Variants in GUCY1A2 observed in about 807,000 individuals in gnomAD.
GUCY1A2 encodes guanylate cyclase 1 soluble subunit alpha 2.
In GUCY1A2, 27 loss-of-function variants were observed where a neutral mutation model predicts 63.5. The ratio of observed to expected loss-of-function variants is 0.43; its 90% CI spans 0.31 to 0.59. The LOEUF (loss-of-function observed/expected upper bound fraction) is 0.59. Ranked by LOEUF, GUCY1A2 falls within the 20% of genes least tolerant of loss-of-function variation. The pLI, the probability that GUCY1A2 is intolerant of heterozygous loss-of-function variation, is 0.11. For synonymous variants in GUCY1A2, 364 were observed against 343.5 expected (o/e 1.06, Z -0.66); for missense variants, 768 against 913.3 (o/e 0.84, Z 2.05).
chr11:106,753,337 A>G (rs886862210), intron 6 of GUCY1A2, among the ~76,000 whole-genome samples: 1 of 152,130 alleles, frequency 6.6e-6, no homozygotes, highest in Admixed American at 6.5e-5. Flanking sequence ...CTCTGCTGAT[A>G]GTTTCTTTTG....
chr11:106,822,886 G>T (rs1277147403), intron 4 of GUCY1A2, among the ~76,000 whole-genome samples: 1 of 152,072 alleles, frequency 6.6e-6, no homozygotes, highest in Non-Finnish European at 1.5e-5. Context: ...ATAGTTGAAG[G>T]CATTGGAATG....
intron 4 of GUCY1A2, among the ~76,000 whole-genome samples, chr11:106,908,807 T>C (rs1860250691): frequency 6.6e-6 from 1 of 152,058 alleles, no homozygotes; most frequent in South Asian, 2.1e-4. Context: ...CTTTGGCAAT[T>C]ACATTTAAAG....
At chr11:106,714,034 AAAC>A (rs1175496845) in intron 6 of GUCY1A2, among the ~76,000 whole-genome samples, 1 of 147,560 alleles carries the variant, frequency 6.8e-6, no homozygotes, top group Non-Finnish European at 1.5e-5. Flanking sequence ...TAAAAAAAAA[AAAC>A]AAACTCCATA....
chr11:106,873,135 T>C (rs548909906), intron 4 of GUCY1A2, among the ~76,000 whole-genome samples: 23 of 152,354 alleles, frequency 1.5e-4, no homozygotes, highest in African/African-American at 5.5e-4. Context: ...TTCCGTGGTA[T>C]ATATGTACCA....
At chr11:106,913,111 A>AT (rs1860317687) in intron 4 of GUCY1A2, among the ~76,000 whole-genome samples, 2 of 105,514 alleles carry the variant, frequency 1.9e-5, no homozygotes, top group South Asian at 6.5e-4. Context: ...ATGTTGTGGA[A>AT]TTTTTTTCAA....
At chr11:106,778,530 G>A (rs1044830221) in intron 5 of GUCY1A2, among the ~76,000 whole-genome samples, 2 of 152,108 alleles carry the variant, frequency 1.3e-5, no homozygotes, top group African/African-American at 2.4e-5. Flanking sequence ...GCATGATGGC[G>A]GGCACCTGTA....
chr11:106,944,164 G>A (rs575678277), intron 3 of GUCY1A2, among the ~76,000 whole-genome samples: 4 of 118,834 alleles, frequency 3.4e-5, no homozygotes, highest in Non-Finnish European at 4.9e-5. Flanking sequence ...GCAGTGACCC[G>A]TGATCATACC....
At chr11:107,006,873 A>G (rs77215371) in intron 1 of GUCY1A2, among the ~76,000 whole-genome samples, 8,476 of 152,266 alleles carry the variant, frequency 0.056, 709 homozygotes, top group African/African-American at 0.19. Context: ...AGTGCATTTC[A>G]TAGAATTTCA....
chr11:106,730,096 T>TA (rs1565271767), intron 6 of GUCY1A2, among the ~76,000 whole-genome samples: 10 of 96,110 alleles, frequency 1.0e-4, no homozygotes, highest in Non-Finnish European at 1.6e-4. Context: ...ATATATATAT[T>TA]ATAGTATATA....
chr11:106,794,343 G>A (rs1272141640), intron 5 of GUCY1A2, among the ~76,000 whole-genome samples: 1 of 152,000 alleles, frequency 6.6e-6, no homozygotes, highest in Non-Finnish European at 1.5e-5. Context: ...AAGGGGTGAG[G>A]GTGGAAGAAA....
rs1565256968 is a variant in GUCY1A2, at chr11:106,684,824, T to C, written c.*2725A>G. The C allele has an allele frequency of 9.6e-6, 2 of 209,410 alleles. No individual in the cohort carries two copies. The highest frequency in any genetic ancestry group is 1.9e-5 in the Non-Finnish European group (2 of 102,900). The allele number at this position is 209,410 out of a possible 1,614,324, so 13.0% of individuals were successfully genotyped here. A position where few individuals can be genotyped will look rare whatever the true frequency, so the allele number is the denominator to read the frequency against. On this transcript the variant is annotated 3_prime_UTR_variant, in exon 8 of 8. Transcript: ENST00000526355. ...AAAATGCATGCTGTTGGTAATAGTTTGTAAGTAAGTGAGAATACTGTATAG... is the reference window on the plus strand; with the variant it reads ...AAAATGCATGCTGTTGGTAATAGTTCGTAAGTAAGTGAGAATACTGTATAG...
chr11:106,689,054 A>G (rs1449810726), intron 7 of GUCY1A2, among the ~76,000 whole-genome samples: 1 of 152,212 alleles, frequency 6.6e-6, no homozygotes, highest in African/African-American at 2.4e-5. Flanking sequence ...TCATGTTAGC[A>G]GCAGCTCCAA....
intron 4 of GUCY1A2, among the ~76,000 whole-genome samples, chr11:106,851,022 A>T (rs1859346493): frequency 6.6e-6 from 1 of 151,762 alleles, no homozygotes; most frequent in African/African-American, 2.4e-5. Context: ...TGTCTTTTTG[A>T]TAATAGCCAT....
intron 4 of GUCY1A2, among the ~76,000 whole-genome samples, chr11:106,811,345 G>T (rs1338380518): frequency 2.0e-5 from 3 of 151,912 alleles, no homozygotes; most frequent in Admixed American, 2.0e-4. Flanking sequence ...GTGGAGCTGG[G>T]GTATGGCTAC....
chr11:106,993,180 T>C (rs1166687654), intron 1 of GUCY1A2, among the ~76,000 whole-genome samples: 3 of 152,294 alleles, frequency 2.0e-5, no homozygotes, highest in Non-Finnish European at 4.4e-5. Context: ...AAAGATAAAT[T>C]GTGGGGACAA....
Position 106,680,232 on chromosome 11 carries a change from A to G in GUCY1A2, c.*7317T>C. On this transcript the variant is annotated 3_prime_UTR_variant, in exon 8 of 8. Coordinates refer to ENST00000526355, the MANE Select transcript of GUCY1A2 (RefSeq NM_000855.3). The stretch of plus-strand genomic sequence containing the variant: ...AGTGTCTTCAGAAAGTGAGGTATGA[A>G]GAAACAATTTTGCACATTCCTGATT... 1 of 212,094 alleles carries G rather than the reference A, an allele frequency of 4.7e-6. No homozygotes were observed. Among genetic ancestry groups the G allele is most frequent in the East Asian group, 7.1e-5 (1 of 14,112 alleles). 13.1% of individuals were successfully genotyped at this position (212,094 alleles called of 1,614,324 possible).
intron 4 of GUCY1A2, among the ~76,000 whole-genome samples, chr11:106,852,668 C>T (rs188852068): frequency 1.9e-3 from 285 of 152,078 alleles, no homozygotes; most frequent in Non-Finnish European, 2.6e-3. Flanking sequence ...TATTTGATCA[C>T]GGTAAATGAT....
intron 6 of GUCY1A2, among the ~76,000 whole-genome samples, chr11:106,767,447 A>C (rs1352487710): frequency 6.6e-6 from 1 of 152,116 alleles, no homozygotes; most frequent in Non-Finnish European, 1.5e-5. Context: ...ACTGCTTGGG[A>C]AATCTGTTTG....
At chr11:106,975,950 A>T (rs1861256388) in intron 3 of GUCY1A2, among the ~76,000 whole-genome samples, 1 of 152,126 alleles carries the variant, frequency 6.6e-6, no homozygotes, top group Non-Finnish European at 1.5e-5. Flanking sequence ...TAAATGACCA[A>T]ACTTTCTAGA....
Sources: allele counts gnomAD v4.1 joint callset (sites outside exome capture counted in the v4.1 genomes callset), GRCh38; gene constraint gnomAD v4.1.1; transcripts MANE v1.5; gene names NCBI Gene and HGNC (gene_info 2026-07-23, HGNC 2026-07-21).